The following PTK7 variants were observed in gnomAD, a reference collection of about 807,000 sequenced individuals.
PTK7 encodes the protein inactive tyrosine-protein kinase 7.
PTK7 carries 39 observed loss-of-function variants against 116.6 expected under a neutral mutation model. That is an observed-to-expected ratio of 0.33 (90% CI 0.26 to 0.44). PTK7 has a LOEUF of 0.44. Among genes scored for constraint, PTK7 ranks in the 20% least tolerant of loss-of-function variants. The pLI, the probability that PTK7 is intolerant of heterozygous loss-of-function variation, is 1.00. For missense variants in PTK7, 1,169 were observed against 1,425.6 expected (o/e 0.82, Z 2.90); for synonymous variants, 546 against 563.6 (o/e 0.97, Z 0.44).
intron 1 of PTK7, among the ~76,000 whole-genome samples, chr6:43,124,096 C>T (rs931460076): frequency 3.3e-5 from 5 of 152,090 alleles, no homozygotes; most frequent in African/African-American, 9.7e-5. Context: ...TGGCATGGCC[C>T]GGTGGCAAAA....
chr6:43,129,163 C>A lies in PTK7; in HGVS notation c.266C>A (p.Ala89Asp). 1.2e-6 allele frequency: 2 copies of A among 1,614,204 alleles called. No individual in the cohort carries two copies. Among genetic ancestry groups the A allele is most frequent in the Non-Finnish European group, 1.7e-6 (2 of 1,180,052 alleles). The stretch of plus-strand genomic sequence containing the variant: ...CAGGGCAGCAGCCTGAGCTTTGCAG[C>A]TGTGGACCGGCTGCAGGACTCTGGC... The part of the protein sequence containing the change: ...FAQGSSLSFA[A>D]VDRLQDSGTF... Residue 89 changes from alanine (A) to aspartate (D), a missense_variant, in exon 2 of 20, where the codon GCT (alanine) becomes GAT (aspartate). Physicochemically the swap from Ala to Asp is moderately radical, Grantham distance 126. Transcript: ENST00000230419. The surrounding 1 kb of genome is among the most constrained non-coding windows in gnomAD (Gnocchi z 4.5).
chr6:43,142,561 C>T (rs1034197676), intron 13 of PTK7: 9 of 568,148 alleles, frequency 1.6e-5, no homozygotes, highest in African/African-American at 1.5e-4. Flanking sequence ...ACAATGCTGC[C>T]TCCCAGGTTC....
chr6:43,111,843 T>TTTC (rs1768209672), intron 1 of PTK7, among the ~76,000 whole-genome samples: 1 of 151,336 alleles, frequency 6.6e-6, no homozygotes, highest in African/African-American at 2.4e-5. Flanking sequence ...AATTCTTTTT[T>TTTC]TTTTTTTTTT....
intron 17 of PTK7, among the ~76,000 whole-genome samples, chr6:43,151,779 C>A (rs919866608): frequency 3.3e-5 from 5 of 151,064 alleles, no homozygotes; most frequent in Non-Finnish European, 7.4e-5. Context: ...CCTCGTGATC[C>A]GCCCGCCTCG....
chr6:43,161,232 CT>C lies in PTK7; in HGVS notation c.*352del. The C allele has an allele frequency of 4.1e-6, 1 of 242,848 alleles. No homozygotes were observed. Among genetic ancestry groups the C allele is most frequent in the Non-Finnish European group, 8.1e-6 (1 of 123,336 alleles). The allele number at this position is 242,848 out of a possible 1,614,324, so 15.0% of individuals were successfully genotyped here. A position where few individuals can be genotyped will look rare whatever the true frequency, so the allele number is the denominator to read the frequency against. On this transcript the variant is annotated 3_prime_UTR_variant, in exon 20 of 20. Coordinates refer to ENST00000230419, the MANE Select transcript of PTK7 (RefSeq NM_002821.5). ...TCTGCCACTCATCTGCCAACTTTGCCTGGGGAGGGCTAGGCTTGGGATGAGC... is the reference window on the plus strand; with the variant it reads ...TCTGCCACTCATCTGCCAACTTTGCCGGGGAGGGCTAGGCTTGGGATGAGC...
intron 1 of PTK7, among the ~76,000 whole-genome samples, chr6:43,117,127 G>A (rs115764281): frequency 0.011 from 1,720 of 152,082 alleles, 37 homozygotes; most frequent in African/African-American, 0.039. Flanking sequence ...CATGCCCACC[G>A]TAGACTTCAA....
chr6:43,119,286 A>G (rs1329886499), intron 1 of PTK7, among the ~76,000 whole-genome samples: 1 of 152,130 alleles, frequency 6.6e-6, no homozygotes, highest in East Asian at 1.9e-4. Context: ...GGAGACAGAG[A>G]TGGGTGAAAA....
intron 17 of PTK7, among the ~76,000 whole-genome samples, chr6:43,155,223 A>G (rs1005913980): frequency 1.3e-5 from 2 of 152,062 alleles, no homozygotes; most frequent in African/African-American, 2.4e-5. Flanking sequence ...GGATCTCACA[A>G]TGTTGCCCAG....
At chr6:43,100,470 A>G (rs1247534096) in intron 1 of PTK7, among the ~76,000 whole-genome samples, 1 of 152,012 alleles carries the variant, frequency 6.6e-6, no homozygotes, top group Non-Finnish European at 1.5e-5. Context: ...TATTTGAAAA[A>G]GTAGAAAATT....
In PTK7 at chr6:43,144,468, G is replaced by T. The variant is rs200622454; in HGVS notation, c.2269G>T (p.Gly757Trp). The T allele has an allele frequency of 3.7e-6, 6 of 1,614,118 alleles. No individual in the cohort carries two copies. In the South Asian group the frequency reaches 5.5e-5, roughly 15 times the overall value. Residue 757 changes from glycine (G) to tryptophan (W), a missense_variant, in exon 15 of 20, where the codon GGG (glycine) becomes TGG (tryptophan). Transcript: ENST00000230419. ...ECLNGGPLQN[G>W]QPSAEIQEEV... ...CTTCCCAGGTGGGCCTTTGCAGAAC[G>T]GGCAGCCCTCAGCAGAGATCCAAGA... is the stretch of plus-strand genomic sequence containing the variant.
chr6:43,145,401 C>G lies in PTK7; in HGVS notation c.2609C>G (p.Pro870Arg). 3 of 1,606,146 alleles carry G rather than the reference C, an allele frequency of 1.9e-6. No individual in the cohort carries two copies. Among genetic ancestry groups the G allele is most frequent in the Non-Finnish European group, 2.6e-6 (3 of 1,175,640 alleles). Residue 870 changes from proline to arginine, a missense_variant, in exon 16 of 20, where the codon CCC (proline) becomes CGC (arginine). Physicochemically the swap from Pro to Arg is moderately radical, Grantham distance 103 (BLOSUM62 -2). Transcript: ENST00000230419. The surrounding 1 kb of genome is among the most constrained non-coding windows in gnomAD (Gnocchi z 4.8). ...CTGGGGCTGTGCCGGGAGGCTGAGC[C>G]CCACTACATGGTGCTGGAATATGTG... ...RLLGLCREAE[P>R]HYMVLEYVDL...
intron 17 of PTK7, among the ~76,000 whole-genome samples, chr6:43,155,971 G>A (rs1051489723): frequency 3.3e-5 from 5 of 152,124 alleles, no homozygotes; most frequent in Admixed American, 3.3e-4. Context: ...GCTCACGCCT[G>A]TAATCCCAGC....
At chr6:43,160,305 T>TG (rs1044920043) in intron 19 of PTK7, among the ~76,000 whole-genome samples, 100 of 152,130 alleles carry the variant, frequency 6.6e-4, no homozygotes, top group African/African-American at 2.0e-3. Flanking sequence ...TTAGTAGAGA[T>TG]GGGGGGGCTT....
chr6:43,106,959 G>T (rs1767929706), intron 1 of PTK7, among the ~76,000 whole-genome samples: 1 of 140,200 alleles, frequency 7.1e-6, no homozygotes, highest in African/African-American at 2.7e-5. Flanking sequence ...GTCTTGCTCT[G>T]TCACCCAGGC....
At chr6:43,157,157 G>T (rs1472817128) in intron 17 of PTK7, among the ~76,000 whole-genome samples, 1 of 145,618 alleles carries the variant, frequency 6.9e-6, no homozygotes, top group African/African-American at 2.5e-5. Context: ...TGCTAGCATT[G>T]TTGGATTGTG....
chr6:43,107,504 T>A (rs1373066352), intron 1 of PTK7, among the ~76,000 whole-genome samples: 1 of 152,214 alleles, frequency 6.6e-6, no homozygotes, highest in Admixed American at 6.5e-5. Flanking sequence ...CAAGTTAATA[T>A]GGTTAAATGT....
chr6:43,117,702 G>A (rs1768642092), intron 1 of PTK7, among the ~76,000 whole-genome samples: 1 of 152,192 alleles, frequency 6.6e-6, no homozygotes. Flanking sequence ...CACTTTGGGA[G>A]GCCAAGGTGG....
intron 1 of PTK7, among the ~76,000 whole-genome samples, chr6:43,116,639 T>C (rs1428973212): frequency 8.8e-6 from 1 of 113,816 alleles, no homozygotes; most frequent in African/African-American, 3.3e-5. Flanking sequence ...TGTGTGTGTG[T>C]GTGTGTGTGT....
At chr6:43,144,091 G>T (rs1042925778) in intron 14 of PTK7, among the ~76,000 whole-genome samples, 1 of 152,180 alleles carries the variant, frequency 6.6e-6, no homozygotes, top group East Asian at 1.9e-4. Context: ...CTCCATTATT[G>T]TGATTTTCCC....
Sources: allele counts gnomAD v4.1 joint callset (sites outside exome capture counted in the v4.1 genomes callset), GRCh38; gene constraint gnomAD v4.1.1; non-coding constraint Gnocchi (gnomAD v3.1); transcripts MANE v1.5; gene names NCBI Gene and HGNC (gene_info 2026-07-23, HGNC 2026-07-21).